The following ZNF205 variants were observed in gnomAD, a reference collection of about 807,000 sequenced individuals.
ZNF205 encodes the protein transcriptional repressor RHIT.
ZNF205 carries 32 observed loss-of-function variants against 53.6 expected under a neutral mutation model. The ratio of observed to expected loss-of-function variants is 0.60; its 90% CI spans 0.45 to 0.80. The LOEUF is 0.80. Among genes scored for constraint, ZNF205 ranks in the 30% least tolerant of loss-of-function variants. The pLI is 0.00. For missense variants in ZNF205, 836 were observed against 782.4 expected, an observed-to-expected ratio of 1.07 and a Z score of -0.82; for synonymous variants, 382 against 334.3, an observed-to-expected ratio of 1.14 and a Z score of -1.56.
chr16:3,117,601 G>A (rs1449798300), intron 5 of ZNF205, among the ~76,000 whole-genome samples: 1 of 150,986 alleles, frequency 6.6e-6, no homozygotes, highest in East Asian at 2.0e-4. Flanking sequence ...GTACCACCAT[G>A]CCCAGCTATT....
At chr16:3,116,282 C>T in intron 4 of ZNF205, 145 bp from the exon 5 acceptor site, 16 of 1,281,564 alleles carry the variant, frequency 1.2e-5, no homozygotes, top group Non-Finnish European at 1.7e-5. Flanking sequence ...GGTGGCTCAC[C>T]TGCTTCCCGA....
At chr16:3,113,519 G>T in intron 2 of ZNF205, 32 bp downstream of exon 2, 1 of 1,609,516 alleles carries the variant, frequency 6.2e-7, no homozygotes, top group Non-Finnish European at 8.5e-7. Flanking sequence ...GGAGGTGTGC[G>T]GTAGAAGAGG....
rs752405092 is a variant in ZNF205, at chr16:3,119,874, C to T, written c.1214C>T (p.Ser405Leu). The T allele has an allele frequency of 3.1e-6, 5 of 1,613,618 alleles. No homozygotes were observed. The highest frequency in any genetic ancestry group is 4.2e-6 in the Non-Finnish European group (5 of 1,179,886). ...TGCGCCAAGCGCTTCACCCGCCGCT[C>T]GGACTTGGTCACCCACCAGGGCACC... Reference protein sequence around the residue: ...DRCAKRFTRRSDLVTHQGTHT... With the variant: ...DRCAKRFTRRLDLVTHQGTHT... Residue 405 changes from serine (S) to leucine (L), a missense_variant, in exon 7 of 7, where the codon TCG becomes TTG. Physicochemically the swap from Ser to Leu is moderately radical, Grantham distance 145. Transcript: ENST00000219091.
chr16:3,113,512 G>C, intron 2 of ZNF205, 25 bp downstream of exon 2: 3 of 1,611,702 alleles, frequency 1.9e-6, no homozygotes, highest in Non-Finnish European at 2.5e-6. Flanking sequence ...GGCTGAGGGA[G>C]GTGTGCGGTA....
intron 5 of ZNF205, among the ~76,000 whole-genome samples, chr16:3,117,910 G>A (rs1179569408): frequency 2.7e-5 from 4 of 147,834 alleles, no homozygotes; most frequent in East Asian, 2.0e-4. Flanking sequence ...GTGTAGTGGC[G>A]TGATCTCAGC....
At chr16:3,115,804 C>G in intron 3 of ZNF205, 25 bp from the exon 4 acceptor site, 2 of 1,596,194 alleles carry the variant, frequency 1.3e-6, no homozygotes, top group Non-Finnish European at 1.7e-6. Flanking sequence ...AGCTGATCAC[C>G]GTGAGGACCT....
chr16:3,112,691 G>A lies in ZNF205; in HGVS notation c.-15+9G>A. 3.4e-6 allele frequency: 1 copy of A among 291,104 alleles called. No individual in the cohort carries two copies. The highest frequency in any genetic ancestry group is 6.9e-6 in the Non-Finnish European group (1 of 144,652). 18.0% of individuals were successfully genotyped at this position (291,104 alleles called of 1,614,324 possible). On this transcript the variant is annotated intron_variant, in intron 1 of 6. Transcript: ENST00000219091. ...CCTCTGCCTCCACCCCGGTGAGAAG[G>A]GGGTGCTGGGGAGGGCATCTGGATC... is the stretch of plus-strand genomic sequence containing the variant.
At chr16:3,115,275 G>T in intron 2 of ZNF205, 80 bp from the exon 3 acceptor site, 4 of 1,182,114 alleles carry the variant, frequency 3.4e-6, no homozygotes, top group Non-Finnish European at 4.5e-6. Flanking sequence ...GTTGGTTTCC[G>T]ACGCTGCCGG....
intron 6 of ZNF205, 62 bp downstream of exon 6, chr16:3,119,077 G>A: frequency 6.3e-7 from 1 of 1,582,162 alleles, no homozygotes; most frequent in Non-Finnish European, 8.6e-7. Context: ...CCTTCTGGCT[G>A]TTGTCTGTGG....
chr16:3,115,462 G>A lies in ZNF205; in HGVS notation c.165G>A (p.Glu55=). The A allele has an allele frequency of 6.2e-7, 1 of 1,612,204 alleles. No homozygotes were observed. The highest frequency in any genetic ancestry group is 8.5e-7 in the Non-Finnish European group (1 of 1,179,084). ...ESLHIKMEPE[E]PHSEGASQED... Reference sequence around the variant, plus strand: ...TGCACATTAAGATGGAGCCCGAAGAGCCACACTCCGAGGGGGCATCGCAGG... The same window carrying A: ...TGCACATTAAGATGGAGCCCGAAGAACCACACTCCGAGGGGGCATCGCAGG... Residue 55 remains glutamate (E), a synonymous_variant, in exon 3 of 7, where the codon GAG becomes GAA. Transcript: ENST00000219091.
rs1957405572 is a variant in ZNF205, at chr16:3,120,111, G to A, written c.1451G>A (p.Ser484Asn). 6.2e-7 allele frequency: 1 copy of A among 1,613,794 alleles called. No homozygotes were observed. Among genetic ancestry groups the A allele is most frequent in the East Asian group, 2.2e-5 (1 of 44,874 alleles). Residue 484 changes from serine (S) to asparagine (N), a missense_variant, in exon 7 of 7, where the codon AGC (serine) becomes AAC (asparagine). Physicochemically the swap from Ser to Asn is conservative, Grantham distance 46 (BLOSUM62 1). Coordinates refer to ENST00000219091, the MANE Select transcript of ZNF205 (RefSeq NM_001042428.2). ...KPYHCLDCGK[S>N]FSHSSHLTAH... ...TACCACTGCCTCGACTGCGGCAAGA[G>A]CTTCAGCCACAGCTCGCACCTCACC...
chr16:3,116,825 C>T (rs969462369), intron 5 of ZNF205, among the ~76,000 whole-genome samples: 2 of 152,166 alleles, frequency 1.3e-5, no homozygotes, highest in African/African-American at 2.4e-5. Flanking sequence ...GACGGAGTCT[C>T]GCTCTGTCAC....
At chr16:3,113,314 A>G (rs1186646722) in intron 1 of ZNF205, 103 bp from the exon 2 acceptor site, 1 of 1,110,416 alleles carries the variant, frequency 9.0e-7, no homozygotes, top group African/African-American at 1.6e-5. Flanking sequence ...GGGGGTGTCC[A>G]GGAAGCGAGG....
At chr16:3,116,952 G>A (rs1414150658) in intron 5 of ZNF205, among the ~76,000 whole-genome samples, 1 of 151,996 alleles carries the variant, frequency 6.6e-6, no homozygotes, top group African/African-American at 2.4e-5. Context: ...CCACCACCAC[G>A]CCCGGCTAAT....
At chr16:3,116,038 C>G in intron 4 of ZNF205, 118 bp downstream of exon 4, 1 of 1,130,252 alleles carries the variant, frequency 8.8e-7, no homozygotes, top group Non-Finnish European at 1.3e-6. Flanking sequence ...GCCTGGGGCT[C>G]TTGCTAGTGT....
chr16:3,113,557 A>G, intron 2 of ZNF205, 70 bp downstream of exon 2: 1 of 1,566,176 alleles, frequency 6.4e-7, no homozygotes, highest in Non-Finnish European at 8.7e-7. Flanking sequence ...TTCAAGGCAC[A>G]GAGTCTGGAC....
In ZNF205 at chr16:3,115,560, C is replaced by G. The variant is rs1249673274; in HGVS notation, c.263C>G (p.Pro88Arg). Residue 88 changes from proline to arginine, a missense_variant, in exon 3 of 7, where the codon CCT becomes CGT. By Grantham distance (103) the Pro-to-Arg change is moderately radical. Coordinates refer to ENST00000219091, the MANE Select transcript of ZNF205 (RefSeq NM_001042428.2). ...TCTAAGGAGAAAGCTCTCTTCCTGC[C>G]TGGCGGAGGTAGGAGAGGGACGGGG... is the stretch of plus-strand genomic sequence containing the variant. ...HGSKEKALFL[P>R]GGALPSPRIP... The G allele has an allele frequency of 6.3e-7, 1 of 1,590,220 alleles. No individual in the cohort carries two copies. The highest frequency in any genetic ancestry group is 2.3e-5 in the East Asian group (1 of 43,892).
chr16:3,118,410 C>T (rs916004657), intron 5 of ZNF205, among the ~76,000 whole-genome samples: 1 of 152,312 alleles, frequency 6.6e-6, no homozygotes, highest in Non-Finnish European at 1.5e-5. Flanking sequence ...TCAAGCCACC[C>T]GGTTGGTCCA....
Position 3,119,392 on chromosome 16 carries a change from C to T in ZNF205, c.732C>T (p.Ser244=). ...CGCAGGAAGCAGCCTGCGGCCGGAG[C>T]TCAGGGCCGGCCAAAGACTCCGGGC... is the stretch of plus-strand genomic sequence containing the variant. The part of the protein sequence containing the change: ...QCAQEAACGR[S]SGPAKDSGQP... The change falls in exon 7 of 7, where the codon AGC becomes AGT. Residue 244 remains serine (S), a synonymous_variant. Coordinates refer to ENST00000219091, the MANE Select transcript of ZNF205 (RefSeq NM_001042428.2). 1 of 1,610,990 alleles carries T rather than the reference C, an allele frequency of 6.2e-7. No individual in the cohort carries two copies. Among genetic ancestry groups the T allele is most frequent in the Non-Finnish European group, 8.5e-7 (1 of 1,179,192 alleles).
Sources: gnomAD v4.1 joint callset for allele counts (sites outside exome capture counted in the v4.1 genomes callset) on GRCh38, gnomAD v4.1.1 for gene constraint, MANE v1.5 for transcripts, NCBI Gene and HGNC (gene_info 2026-07-23, HGNC 2026-07-21) for gene names.